Variants in PTPRN2 observed in about 807,000 individuals in gnomAD.
PTPRN2 encodes protein tyrosine phosphatase receptor type N2.
A neutral mutation model predicts 118.8 loss-of-function variants in PTPRN2; 74 were observed. The observed-to-expected ratio is 0.62, with a 90% CI of 0.52 to 0.76. The LOEUF is 0.76. Ranked by LOEUF, PTPRN2 falls within the 30% of genes least tolerant of loss-of-function variation. The pLI is 0.00. For missense variants in PTPRN2, 1,481 were observed against 1,394.4 expected (o/e 1.06, Z -0.99); for synonymous variants, 641 against 608.0 (o/e 1.05, Z -0.80).
At chr7:158,044,084 A>G (rs1159463856) in intron 11 of PTPRN2, among the ~76,000 whole-genome samples, 1 of 152,242 alleles carries the variant, frequency 6.6e-6, no homozygotes, top group African/African-American at 2.4e-5. Context: ...CATAAAAGTC[A>G]TTAACTCCCA....
At chr7:157,545,108 G>A (rs1302739542) in intron 22 of PTPRN2, among the ~76,000 whole-genome samples, 3 of 150,270 alleles carry the variant, frequency 2.0e-5, no homozygotes, top group Non-Finnish European at 4.4e-5. Context: ...GGGTGGGTGT[G>A]TAGGTGTGTG....
At chr7:158,100,248 T>C (rs1178482064) in intron 10 of PTPRN2, among the ~76,000 whole-genome samples, 1 of 52,794 alleles carries the variant, frequency 1.9e-5, no homozygotes, top group Admixed American at 2.9e-4. Flanking sequence ...CCATGGGGTG[T>C]GTGTGTGTGT....
At chr7:157,809,407 C>T (rs562927489) in intron 12 of PTPRN2, among the ~76,000 whole-genome samples, 10 of 152,274 alleles carry the variant, frequency 6.6e-5, no homozygotes, top group East Asian at 3.9e-4. Context: ...AGGAGCCCCG[C>T]GCCACCCCCG....
chr7:158,484,172 C>T (rs554387520), intron 2 of PTPRN2, among the ~76,000 whole-genome samples: 14 of 152,176 alleles, frequency 9.2e-5, no homozygotes, highest in African/African-American at 3.1e-4. Context: ...TAAGAGTCAA[C>T]GGTTTTCTGA....
chr7:157,733,211 C>G (rs1384280224), intron 12 of PTPRN2, among the ~76,000 whole-genome samples: 1 of 24,120 alleles, frequency 4.1e-5, no homozygotes. Flanking sequence ...GTTACCCTTT[C>G]CCGTCCCACG....
chr7:157,593,996 G>A (rs962122417), intron 17 of PTPRN2, among the ~76,000 whole-genome samples: 3 of 152,310 alleles, frequency 2.0e-5, no homozygotes, highest in East Asian at 1.9e-4. Context: ...AGGTCATACC[G>A]ATGTGTTTCA....
rs1371674813 is a variant in PTPRN2 at position 157,974,336 on chromosome 7, C to T, written c.1724-75599G>A. ...ACAAGGTCTTCCACGGGGCTCCTCC[C>T]CAGCTCACGGGGAAATCCCCTTTAA... On this transcript the variant is annotated intron_variant, in intron 11 of 22. Transcript: ENST00000389418. This position sits in a 1 kb window ranked among gnomAD's most constrained non-coding sequence, Gnocchi z 4.0. Among the ~76,000 whole-genome samples the T allele has an allele frequency of 6.6e-6, 1 of 152,334 alleles. No individual in the cohort carries two copies. Among genetic ancestry groups the T allele is most frequent in the East Asian group, 1.9e-4 (1 of 5,180 alleles).
Position 157,706,594 on chromosome 7 carries a change from C to A in PTPRN2, c.1789-23657G>T, listed in dbSNP as rs59204129. 0.013 allele frequency among the ~76,000 whole-genome samples: 1,919 copies of A among 151,178 alleles called. 91 individuals carry two copies. In the South Asian group the frequency reaches 0.16, roughly 13 times the overall value. On this transcript the variant is annotated intron_variant, in intron 12 of 22. Coordinates refer to ENST00000389418, the MANE Select transcript of PTPRN2 (RefSeq NM_002847.5). ...CCACATCCTTCCAGAATGCTGGGAA[C>A]TGGGTGAATCTGACCCCAGTGCCTT... is the stretch of plus-strand genomic sequence containing the variant.
At chr7:158,260,992 G>A (rs1271579032) in intron 3 of PTPRN2, among the ~76,000 whole-genome samples, 1 of 152,178 alleles carries the variant, frequency 6.6e-6, no homozygotes, top group South Asian at 2.1e-4. Flanking sequence ...AGCCCTCAGA[G>A]CCACTTGTAG....
At chr7:157,721,548 GA>G (rs1228110480) in intron 12 of PTPRN2, among the ~76,000 whole-genome samples, 2 of 152,208 alleles carry the variant, frequency 1.3e-5, no homozygotes, top group Non-Finnish European at 2.9e-5. Context: ...CCACCAGCAG[GA>G]GCCACAGCAC....
intron 17 of PTPRN2, among the ~76,000 whole-genome samples, chr7:157,586,655 C>T (rs1800691272): frequency 6.6e-6 from 1 of 151,904 alleles, no homozygotes; most frequent in Non-Finnish European, 1.5e-5. Context: ...CCACGTCTGT[C>T]CTGGAGACTC....
intron 2 of PTPRN2, among the ~76,000 whole-genome samples, chr7:158,337,631 G>A (rs958478977): frequency 1.1e-4 from 8 of 70,728 alleles, no homozygotes; most frequent in South Asian, 5.9e-4. Flanking sequence ...GACACCTGCA[G>A]ACGTCATTCA....
chr7:157,620,365 C>T (rs765996599), intron 15 of PTPRN2, among the ~76,000 whole-genome samples: 22 of 152,150 alleles, frequency 1.4e-4, no homozygotes, highest in Non-Finnish European at 2.8e-4. Context: ...TTCCAGTCCA[C>T]GAGAGTCACT....
At chr7:157,767,526 C>T (rs1802557020) in intron 12 of PTPRN2, among the ~76,000 whole-genome samples, 1 of 152,226 alleles carries the variant, frequency 6.6e-6, no homozygotes, top group African/African-American at 2.4e-5. Context: ...ACGAATACAG[C>T]AGTAAGAATG....
chr7:158,350,395 G>A (rs773663135), intron 2 of PTPRN2, among the ~76,000 whole-genome samples: 7 of 152,252 alleles, frequency 4.6e-5, no homozygotes, highest in Non-Finnish European at 8.8e-5. Flanking sequence ...GTGCAGGGAG[G>A]TTGGAATGAA....
At chr7:157,747,192 T>A (rs1464122649) in intron 12 of PTPRN2, among the ~76,000 whole-genome samples, 1 of 126,594 alleles carries the variant, frequency 7.9e-6, no homozygotes, top group African/African-American at 3.1e-5. Flanking sequence ...GGTGTGCGGG[T>A]GATTCTGAGG....
At chr7:157,720,574 T>C (rs1799175877) in intron 12 of PTPRN2, among the ~76,000 whole-genome samples, 3 of 152,230 alleles carry the variant, frequency 2.0e-5, no homozygotes, top group Admixed American at 6.5e-5. Context: ...GCTGCACCGA[T>C]GCATGGGTGT....
intron 9 of PTPRN2, among the ~76,000 whole-genome samples, chr7:158,124,854 G>A (rs1457625072): frequency 6.6e-6 from 1 of 152,238 alleles, no homozygotes; most frequent in African/African-American, 2.4e-5. Flanking sequence ...AGAGGGTGAC[G>A]GGGCCAGATT....
At chr7:158,543,313 C>A (rs12534752) in intron 1 of PTPRN2, among the ~76,000 whole-genome samples, 1 of 152,010 alleles carries the variant, frequency 6.6e-6, no homozygotes, top group Non-Finnish European at 1.5e-5. Flanking sequence ...AAGGAAGGCC[C>A]GGAGGGAAGC....
Sources: gnomAD v4.1 joint callset for allele counts (sites outside exome capture counted in the v4.1 genomes callset) on GRCh38, gnomAD v4.1.1 for gene constraint, Gnocchi (gnomAD v3.1) non-coding constraint, MANE v1.5 for transcripts, NCBI Gene and HGNC (gene_info 2026-07-23, HGNC 2026-07-21) for gene names.